Variants in PLXNA1 observed in about 807,000 individuals in gnomAD.
PLXNA1 encodes plexin-A1.
Under a neutral mutation model 191.7 loss-of-function variants are expected in PLXNA1, and 77 were observed. That is an observed-to-expected ratio of 0.40 (90% CI 0.33 to 0.49). The LOEUF is 0.49. Ranked by LOEUF, PLXNA1 falls within the 20% of genes least tolerant of loss-of-function variation. The pLI, the probability that PLXNA1 is intolerant of heterozygous loss-of-function variation, is 0.63. For missense variants in PLXNA1, 2,110 were observed against 2,660.2 expected (o/e 0.79, Z 4.55); for synonymous variants, 1,137 against 1,156.4 (o/e 0.98, Z 0.34).
chr3:127,015,214 C>T lies in PLXNA1; in HGVS notation c.2908C>T (p.Arg970Cys), dbSNP rs746625568. Residue 970 changes from arginine to cysteine, a missense_variant, in exon 15 of 32, where the codon CGT (arginine) becomes TGT (cysteine). Transcript: ENST00000393409. ...AACCTTCTACCGTGTGAGCCCCTCC[C>T]GTGGGCCTCTGTCAGGGGGCACCTG... Reference protein sequence around the residue: ...TPTFYRVSPSRGPLSGGTWIG... With the variant: ...TPTFYRVSPSCGPLSGGTWIG... The T allele has an allele frequency of 2.5e-6, 4 of 1,613,296 alleles. No individual in the cohort carries two copies. Among genetic ancestry groups the T allele is most frequent in the Admixed American group, 1.7e-5 (1 of 59,950 alleles).
At position 126,992,682 on chromosome 3, in the gene PLXNA1, G is replaced by A. The variant is rs187019001; in HGVS notation, c.1377+1116G>A. On this transcript the variant is annotated intron_variant, in intron 3 of 31. Transcript: ENST00000393409. ...GCCCGTGGGGGCCCAGCTGCTGATT[G>A]TAGGCCCCCCAGGGTGGGGGTGCCC... is the stretch of plus-strand genomic sequence containing the variant. Among the ~76,000 whole-genome samples the A allele has an allele frequency of 4.0e-3, 602 of 152,148 alleles. 7 individuals carry two copies. The highest frequency in any genetic ancestry group is 0.014 in the African/African-American group (577 of 41,504).
chr3:127,032,443 T>G lies in PLXNA1; in HGVS notation c.5288T>G (p.Ile1763Ser). Residue 1763 changes from isoleucine (I) to serine (S), a missense_variant, in exon 30 of 32, where the codon ATT (isoleucine) becomes AGT (serine). Ile to Ser is a moderately radical substitution (Grantham distance 142). Coordinates refer to ENST00000393409, the MANE Select transcript of PLXNA1 (RefSeq NM_032242.4). ...AAGAACCCACAGTTTGTGTTCGACATTCACAAGAACAGCATCACGGACGCC... is the reference window on the plus strand; with the variant it reads ...AAGAACCCACAGTTTGTGTTCGACAGTCACAAGAACAGCATCACGGACGCC... Reference protein sequence around the residue: ...VIKNPQFVFDIHKNSITDACL... With the variant: ...VIKNPQFVFDSHKNSITDACL... 1.2e-6 allele frequency: 2 copies of G among 1,613,928 alleles called. No homozygotes were observed. Among genetic ancestry groups the G allele is most frequent in the Non-Finnish European group, 1.7e-6 (2 of 1,180,006 alleles).
chr3:126,984,459 C>T (rs1038072092), intron 1 of PLXNA1, among the ~76,000 whole-genome samples: 3 of 152,376 alleles, frequency 2.0e-5, no homozygotes, highest in Admixed American at 1.3e-4. Flanking sequence ...GAGGAGCTTG[C>T]CTCAGGTCCC....
Position 127,014,015 on chromosome 3 carries a change from A to G in PLXNA1, c.2314-5A>G. ...GGGAAGCCTGACGGTGCCATCACCTAACAGTACTCCTACGAGGGGAACGAT... is the reference window on the plus strand; with the variant it reads ...GGGAAGCCTGACGGTGCCATCACCTGACAGTACTCCTACGAGGGGAACGAT... On this transcript the variant is annotated splice_region_variant and splice_polypyrimidine_tract_variant and intron_variant, in intron 10 of 31. Coordinates refer to ENST00000393409, the MANE Select transcript of PLXNA1 (RefSeq NM_032242.4). 6.2e-7 allele frequency: 1 copy of G among 1,613,190 alleles called. No individual in the cohort carries two copies. Among genetic ancestry groups the G allele is most frequent in the Non-Finnish European group, 8.5e-7 (1 of 1,179,460 alleles).
chr3:126,995,536 G>A (rs147608205), intron 3 of PLXNA1, among the ~76,000 whole-genome samples: 9 of 152,270 alleles, frequency 5.9e-5, no homozygotes, highest in African/African-American at 9.6e-5. Context: ...CTGCTGCTGC[G>A]GGGCAAAAGG....
rs1363177655 is a variant in PLXNA1, at chr3:127,032,239, C to A, written c.5232-148C>A. The A allele has an allele frequency of 4.0e-5, 30 of 743,294 alleles. No individual in the cohort carries two copies. In the Admixed American group the frequency reaches 8.1e-4, roughly 20 times the overall value. 46.0% of individuals were successfully genotyped at this position (743,294 alleles called of 1,614,324 possible). On this transcript the variant is annotated intron_variant, in intron 29 of 31. Transcript: ENST00000393409. The stretch of plus-strand genomic sequence containing the variant: ...GTGGCAGGGGACGGCCTTCACTTAA[C>A]CATGGGCCCTGCACCTCTGTGGGCC...
At chr3:127,018,227 T>G (rs2079135012) in intron 19 of PLXNA1, 67 bp from the exon 20 acceptor site, 1 of 1,399,964 alleles carries the variant, frequency 7.1e-7, no homozygotes, top group Admixed American at 2.0e-5. Flanking sequence ...GTCTTGCCCA[T>G]CGGGAGGGGC....
At chr3:127,006,624 G>A (rs186118059) in intron 8 of PLXNA1, among the ~76,000 whole-genome samples, 1 of 152,304 alleles carries the variant, frequency 6.6e-6, no homozygotes, top group East Asian at 1.9e-4. Flanking sequence ...TTGGGGGCCT[G>A]AGCAGGGGCC....
intron 19 of PLXNA1, 94 bp downstream of exon 19, chr3:127,017,986 G>A (rs1002416019): frequency 1.1e-5 from 16 of 1,511,210 alleles, no homozygotes; most frequent in African/African-American, 6.8e-5. Context: ...GACCTTGCCC[G>A]AGACTCACCC....
chr3:127,016,455 T>C (rs2079123848), intron 15 of PLXNA1, 62 bp from the exon 16 acceptor site: 2 of 1,510,448 alleles, frequency 1.3e-6, no homozygotes, highest in African/African-American at 2.7e-5. Context: ...TCAATGCATC[T>C]GCATTCCACC....
intron 23 of PLXNA1, among the ~76,000 whole-genome samples, chr3:127,023,262 G>A (rs1473605141): frequency 1.3e-5 from 2 of 152,212 alleles, no homozygotes; most frequent in Non-Finnish European, 2.9e-5. Flanking sequence ...GGATGCTGCC[G>A]TCCTCAGAAC....
intron 3 of PLXNA1, among the ~76,000 whole-genome samples, chr3:126,992,320 G>C (rs1209593315): frequency 6.6e-6 from 1 of 152,092 alleles, no homozygotes; most frequent in Non-Finnish European, 1.5e-5. Context: ...GGGATACTTG[G>C]ACACCCCAGA....
Position 127,030,028 on chromosome 3 carries a change from C to A in PLXNA1, c.5025C>A (p.Val1675=). The A allele has an allele frequency of 6.2e-7, 1 of 1,613,458 alleles. No individual in the cohort carries two copies. Among genetic ancestry groups the A allele is most frequent in the Non-Finnish European group, 8.5e-7 (1 of 1,179,744 alleles). ...QREGDRGSKM[V]SEIYLTRLLA... is the part of the protein sequence containing the mutation. ...AGGGTGACCGCGGCAGCAAGATGGT[C>A]TCGGAGATCTACTTGACACGGCTAC... is the stretch of plus-strand genomic sequence containing the variant. Residue 1675 remains valine (V), a synonymous_variant, in exon 28 of 32, where the codon GTC becomes GTA. Coordinates refer to ENST00000393409, the MANE Select transcript of PLXNA1 (RefSeq NM_032242.4).
chr3:126,997,065 G>GTTGAGTCATCA (rs2079018219), intron 3 of PLXNA1, among the ~76,000 whole-genome samples: 1 of 152,206 alleles, frequency 6.6e-6, no homozygotes, highest in Non-Finnish European at 1.5e-5. Context: ...GGGCTCTGGG[G>GTTGAGTCATCA]TTGAGTCATC....
Position 127,018,479 on chromosome 3 carries a change from G to A in PLXNA1, c.3846G>A (p.Gln1282=). The A allele has an allele frequency of 6.2e-7, 1 of 1,612,450 alleles. No homozygotes were observed. Residue 1282 remains glutamine, a synonymous_variant, in exon 20 of 32, where the codon CAG becomes CAA. Coordinates refer to ENST00000393409, the MANE Select transcript of PLXNA1 (RefSeq NM_032242.4). The part of the protein sequence containing the change: ...RDADRTLKRL[Q]LQMDNLESRV... ...CTGACCGCACACTCAAGCGGCTGCAGCTCCAGATGGACAACCTGGAGTCCC... is the reference window on the plus strand; with the variant it reads ...CTGACCGCACACTCAAGCGGCTGCAACTCCAGATGGACAACCTGGAGTCCC...
chr3:127,008,003 C>A, intron 9 of PLXNA1, 90 bp downstream of exon 9: 3 of 813,318 alleles, frequency 3.7e-6, no homozygotes, highest in Non-Finnish European at 6.0e-6. Context: ...TGAGGCCTGG[C>A]CCAGGGAGCA....
At chr3:126,985,339 C>T (rs531962297) in intron 1 of PLXNA1, among the ~76,000 whole-genome samples, 1 of 152,158 alleles carries the variant, frequency 6.6e-6, no homozygotes, top group African/African-American at 2.4e-5. Context: ...TGGCTAGCCC[C>T]ATCGGCATCC....
chr3:126,992,745 C>T (rs1355585523), intron 3 of PLXNA1, among the ~76,000 whole-genome samples: 1 of 152,014 alleles, frequency 6.6e-6, no homozygotes, highest in Non-Finnish European at 1.5e-5. Context: ...GGCTATGAGG[C>T]TGAAGCTGAT....
At chr3:127,029,315 T>C (rs1026600130) in intron 26 of PLXNA1, 125 bp from the exon 27 acceptor site, 4 of 932,996 alleles carry the variant, frequency 4.3e-6, no homozygotes, top group Non-Finnish European at 7.0e-6. Context: ...AGTTCCAGAC[T>C]GAGTGAGGTG....
Sources: allele counts gnomAD v4.1 joint callset (sites outside exome capture counted in the v4.1 genomes callset), GRCh38; gene constraint gnomAD v4.1.1; transcripts MANE v1.5; gene names NCBI Gene and HGNC (gene_info 2026-07-23, HGNC 2026-07-21).